ABTB3: variants seen among roughly 807,000 people sequenced by gnomAD.
ABTB3 encodes ankyrin repeat and BTB domain containing 3.
At chr12:107,457,212 T>C in the ABTB3 span, among the ~76,000 whole-genome samples, 1 of 152,200 alleles carries the variant, frequency 6.6e-6, no homozygotes, top group South Asian at 2.1e-4. Flanking sequence ...CTGAACATTG[T>C]TCACAGCTGC....
At chr12:107,433,296 CAAAAAAAA>C in the ABTB3 span, among the ~76,000 whole-genome samples, 3 of 23,110 alleles carry the variant, frequency 1.3e-4, no homozygotes, top group Non-Finnish European at 1.8e-4. Context: ...GACTCCGTCT[CAAAAAAAA>C]AAAAAAAAAA....
the ABTB3 span, among the ~76,000 whole-genome samples, chr12:107,339,539 T>C: frequency 4.6e-5 from 7 of 152,226 alleles, no homozygotes; most frequent in South Asian, 2.1e-4. Context: ...GAGTTTTCTA[T>C]GAAAGGAGAA....
the ABTB3 span, among the ~76,000 whole-genome samples, chr12:107,498,720 GA>G: frequency 6.6e-6 from 1 of 152,060 alleles, no homozygotes; most frequent in African/African-American, 2.4e-5. Flanking sequence ...GGCCCACCTA[GA>G]AAACCCAGGA....
At chr12:107,395,249 C>T in the ABTB3 span, among the ~76,000 whole-genome samples, 10 of 152,198 alleles carry the variant, frequency 6.6e-5, no homozygotes, top group Admixed American at 4.6e-4. Context: ...CCTCTGCTAA[C>T]ATTGTCAAAG....
chr12:107,325,908 A>T, the ABTB3 span, among the ~76,000 whole-genome samples: 1 of 152,104 alleles, frequency 6.6e-6, no homozygotes, highest in Non-Finnish European at 1.5e-5. Context: ...ATCAGCTATG[A>T]TTATTATTAT....
chr12:107,643,203 C>G, the ABTB3 span, among the ~76,000 whole-genome samples: 1 of 151,906 alleles, frequency 6.6e-6, no homozygotes, highest in African/African-American at 2.4e-5. Flanking sequence ...CCCAGGAGTT[C>G]TAGACCAGCC....
chr12:107,510,362 G>A, the ABTB3 span, among the ~76,000 whole-genome samples: 22 of 151,942 alleles, frequency 1.4e-4, no homozygotes, highest in Middle Eastern at 3.4e-3. Context: ...AGGCTTACAC[G>A]GTCAGCCCCT....
At chr12:107,640,039 C>T in the ABTB3 span, among the ~76,000 whole-genome samples, 3 of 152,142 alleles carry the variant, frequency 2.0e-5, no homozygotes, top group African/African-American at 4.8e-5. Flanking sequence ...TTCTTAGAGA[C>T]AAGGTGGGTG....
At chr12:107,647,241 G>T in the ABTB3 span, among the ~76,000 whole-genome samples, 3 of 152,190 alleles carry the variant, frequency 2.0e-5, no homozygotes, top group Non-Finnish European at 4.4e-5. Flanking sequence ...GAAGTGGAAG[G>T]ATTGCTTGAG....
the ABTB3 span, among the ~76,000 whole-genome samples, chr12:107,364,777 C>T: frequency 6.0e-4 from 91 of 152,266 alleles, no homozygotes; most frequent in African/African-American, 1.6e-3. Flanking sequence ...AGTGCTTATT[C>T]GAAAGCCTGC....
At chr12:107,356,736 T>C in the ABTB3 span, among the ~76,000 whole-genome samples, 3 of 152,170 alleles carry the variant, frequency 2.0e-5, no homozygotes, top group African/African-American at 7.2e-5. Flanking sequence ...CTATCTCCTT[T>C]AGAAACAAAT....
chr12:107,469,988 CTTTCTTTCTTTCTTTCTTTCTT>C, the ABTB3 span, among the ~76,000 whole-genome samples: 18 of 93,858 alleles, frequency 1.9e-4, 2 homozygotes, highest in African/African-American at 9.0e-4. Context: ...TTCTTTCTTT[CTTTCTTTCTTTCTTTCTTTCTT>C]TCTCTCTCTC....
At chr12:107,615,335 T>C in the ABTB3 span, among the ~76,000 whole-genome samples, 2 of 152,238 alleles carry the variant, frequency 1.3e-5, no homozygotes, top group African/African-American at 4.8e-5. Context: ...ATGATCTATA[T>C]GGCCAGGCTT....
chr12:107,517,683 G>A, the ABTB3 span, among the ~76,000 whole-genome samples: 1 of 152,144 alleles, frequency 6.6e-6, no homozygotes, highest in Non-Finnish European at 1.5e-5. Context: ...TGTTATTGGT[G>A]TTATTGGTGT....
At chr12:107,513,283 TG>T in the ABTB3 span, among the ~76,000 whole-genome samples, 1 of 152,186 alleles carries the variant, frequency 6.6e-6, no homozygotes, top group Non-Finnish European at 1.5e-5. Context: ...AAGTAGCATC[TG>T]ATATGGTTTG....
chr12:107,505,892 A>T, the ABTB3 span, among the ~76,000 whole-genome samples: 1 of 152,158 alleles, frequency 6.6e-6, no homozygotes, highest in African/African-American at 2.4e-5. Flanking sequence ...ATAGTATTCC[A>T]TGGTGCATAT....
the ABTB3 span, among the ~76,000 whole-genome samples, chr12:107,485,176 A>G: frequency 2.0e-5 from 3 of 152,156 alleles, no homozygotes; most frequent in Non-Finnish European, 4.4e-5. Flanking sequence ...ATGTGGCAAA[A>G]CAGAATTCAA....
At chr12:107,517,921 A>T in the ABTB3 span, among the ~76,000 whole-genome samples, 1 of 152,262 alleles carries the variant, frequency 6.6e-6, no homozygotes, top group Non-Finnish European at 1.5e-5. Context: ...TTTACAAGAA[A>T]AAAACAAACA....
the ABTB3 span, among the ~76,000 whole-genome samples, chr12:107,631,966 T>A: frequency 6.6e-6 from 1 of 152,224 alleles, no homozygotes; most frequent in Non-Finnish European, 1.5e-5. Flanking sequence ...ACCTAAAAAG[T>A]GGGGAGTTGC....
Sources: gnomAD v4.1 joint callset for allele counts (sites outside exome capture counted in the v4.1 genomes callset) on GRCh38, gnomAD v4.1.1 for gene constraint, MANE v1.5 for transcripts, NCBI Gene and HGNC (gene_info 2026-07-23, HGNC 2026-07-21) for gene names.